The following GRIP1 variants were observed in gnomAD, a reference collection of about 807,000 sequenced individuals.
GRIP1 encodes the protein glutamate receptor-interacting protein 1.
A neutral mutation model predicts 129.9 loss-of-function variants in GRIP1; 45 were observed. That is an observed-to-expected ratio of 0.35 (90% CI 0.27 to 0.44). The LOEUF (loss-of-function observed/expected upper bound fraction) is 0.44, where lower values mean the gene tolerates loss of function less well. Ranked by LOEUF, GRIP1 falls within the 20% of genes least tolerant of loss-of-function variation. GRIP1 has a pLI of 1.00. For missense variants in GRIP1, 1,196 were observed against 1,396.8 expected, an observed-to-expected ratio of 0.86 and a Z score of 2.29; for synonymous variants, 530 against 520.8, an observed-to-expected ratio of 1.02 and a Z score of -0.24.
At chr12:66,630,057 A>C (rs1592673057) in intron 1 of GRIP1, among the ~76,000 whole-genome samples, 1 of 25,682 alleles carries the variant, frequency 3.9e-5, no homozygotes, top group South Asian at 7.0e-4. Context: ...AAGAGAATAT[A>C]AAAAAATTCA....
chr12:66,656,150 G>A (rs750430707), intron 1 of GRIP1, among the ~76,000 whole-genome samples: 3 of 152,164 alleles, frequency 2.0e-5, no homozygotes, highest in Non-Finnish European at 4.4e-5. Flanking sequence ...AAGCCACATG[G>A]TGCCAGTCAT....
chr12:66,384,435 G>A (rs1263225830), intron 19 of GRIP1, among the ~76,000 whole-genome samples: 5 of 152,206 alleles, frequency 3.3e-5, no homozygotes, highest in Non-Finnish European at 7.3e-5. Context: ...AGAATTGTGA[G>A]ATATTCCGGG....
At chr12:66,738,475 C>T (rs2036681685) in intron 1 of GRIP1, among the ~76,000 whole-genome samples, 1 of 152,138 alleles carries the variant, frequency 6.6e-6, no homozygotes, top group Admixed American at 6.5e-5. Context: ...CCTGCCTCGG[C>T]CTCCCAAAGT....
chr12:66,499,944 G>T (rs1056481545), intron 7 of GRIP1, among the ~76,000 whole-genome samples: 18 of 152,214 alleles, frequency 1.2e-4, no homozygotes, highest in Admixed American at 1.1e-3. Flanking sequence ...CAGGGGGTCA[G>T]GGCTGCTGTG....
chr12:66,674,895 A>G (rs2034253370), intron 1 of GRIP1, among the ~76,000 whole-genome samples: 1 of 152,120 alleles, frequency 6.6e-6, no homozygotes. Flanking sequence ...AGAGAGGGAG[A>G]GAGAAAGAAA....
intron 1 of GRIP1, among the ~76,000 whole-genome samples, chr12:66,856,556 G>A (rs2040008434): frequency 6.6e-6 from 1 of 151,938 alleles, no homozygotes; most frequent in Admixed American, 6.6e-5. Context: ...TCAAAAAGTG[G>A]GCGAAGAATA....
At chr12:66,524,262 G>C (rs1028906530) in intron 5 of GRIP1, among the ~76,000 whole-genome samples, 6 of 152,066 alleles carry the variant, frequency 3.9e-5, no homozygotes, top group South Asian at 4.2e-4. Context: ...TTCCAAAATT[G>C]ACCACATAGT....
At chr12:66,581,364 C>T (rs2063371940) in intron 2 of GRIP1, among the ~76,000 whole-genome samples, 1 of 151,094 alleles carries the variant, frequency 6.6e-6, no homozygotes, top group Non-Finnish European at 1.5e-5. Context: ...CAAGAGCAAA[C>T]ACATTCAAAA....
intron 1 of GRIP1, among the ~76,000 whole-genome samples, chr12:66,960,587 CAA>C (rs367639598): frequency 5.9e-5 from 9 of 152,050 alleles, no homozygotes; most frequent in African/African-American, 1.7e-4. Context: ...ATAATTAATT[CAA>C]AGATTGTGGA....
chr12:66,988,434 C>T (rs1408065500), intron 1 of GRIP1, among the ~76,000 whole-genome samples: 2 of 151,970 alleles, frequency 1.3e-5, no homozygotes, highest in African/African-American at 2.4e-5. Flanking sequence ...GGCTGGAGTG[C>T]AGTGGCACAA....
chr12:66,604,496 T>C (rs1266563069), intron 1 of GRIP1, among the ~76,000 whole-genome samples: 1 of 152,228 alleles, frequency 6.6e-6, no homozygotes, highest in Non-Finnish European at 1.5e-5. Flanking sequence ...ATGTATTCCA[T>C]AAAGTTCATT....
intron 1 of GRIP1, among the ~76,000 whole-genome samples, chr12:66,793,651 G>C (rs2038611334): frequency 6.6e-6 from 1 of 152,054 alleles, no homozygotes; most frequent in Admixed American, 6.6e-5. Context: ...GCTGACTCAG[G>C]AGTTTATCAA....
At chr12:66,486,098 C>A (rs1012773263) in intron 7 of GRIP1, among the ~76,000 whole-genome samples, 3 of 152,028 alleles carry the variant, frequency 2.0e-5, no homozygotes, top group Non-Finnish European at 2.9e-5. Flanking sequence ...ACTTTCTTGA[C>A]CCCTTTTAGT....
At chr12:67,049,404 C>T (rs1025014813) in intron 1 of GRIP1, among the ~76,000 whole-genome samples, 1 of 152,098 alleles carries the variant, frequency 6.6e-6, no homozygotes, top group African/African-American at 2.4e-5. Context: ...AGTTCATGTC[C>T]TTTGCAGGGC....
At chr12:66,697,904 G>GC (rs150086792) in intron 1 of GRIP1, among the ~76,000 whole-genome samples, 12,266 of 152,176 alleles carry the variant, frequency 0.081, 521 homozygotes, top group East Asian at 0.096. Flanking sequence ...AAAGCGAAGT[G>GC]CAACAAGAAT....
chr12:66,825,981 T>G (rs1281663557), intron 1 of GRIP1, among the ~76,000 whole-genome samples: 3 of 152,148 alleles, frequency 2.0e-5, no homozygotes, highest in Non-Finnish European at 2.9e-5. Context: ...GGATTATAAA[T>G]CATTCTACTA....
At chr12:66,819,104 G>T (rs2039275557) in intron 1 of GRIP1, among the ~76,000 whole-genome samples, 1 of 152,134 alleles carries the variant, frequency 6.6e-6, no homozygotes, top group South Asian at 2.1e-4. Context: ...CAAATGGACT[G>T]CCAAAGAAGC....
At chr12:66,598,271 T>C (rs962701643) in intron 1 of GRIP1, among the ~76,000 whole-genome samples, 3 of 152,186 alleles carry the variant, frequency 2.0e-5, no homozygotes, top group Non-Finnish European at 4.4e-5. Context: ...ACAAGGTCTT[T>C]ATACGCAATG....
chr12:66,512,842 G>A (rs2060739725), intron 7 of GRIP1, among the ~76,000 whole-genome samples: 1 of 152,018 alleles, frequency 6.6e-6, no homozygotes, highest in Admixed American at 6.6e-5. Flanking sequence ...ATTGCTGGTA[G>A]TAATATAAAA....
Sources: allele counts gnomAD v4.1 joint callset (sites outside exome capture counted in the v4.1 genomes callset), GRCh38; gene constraint gnomAD v4.1.1; transcripts MANE v1.5; gene names NCBI Gene and HGNC (gene_info 2026-07-23, HGNC 2026-07-21).